Variants in EYS observed in about 807,000 individuals in gnomAD.
EYS encodes protein eyes shut homolog.
A neutral mutation model predicts 282.1 loss-of-function variants in EYS; 250 were observed. That is an observed-to-expected ratio of 0.89 (90% CI 0.80 to 0.98). The LOEUF is 0.98. Ranked by LOEUF, EYS falls within the 50% of genes least tolerant of loss-of-function variation. EYS has a pLI of 0.00. For missense variants in EYS, 4,016 were observed against 3,709.0 expected (o/e 1.08, Z -2.15); for synonymous variants, 1,355 against 1,282.9 (o/e 1.06, Z -1.20).
intron 13 of EYS, among the ~76,000 whole-genome samples, chr6:65,049,850 G>T (rs1448941417): frequency 6.6e-6 from 1 of 151,620 alleles, no homozygotes; most frequent in Non-Finnish European, 1.5e-5. Flanking sequence ...TCCTATTGTT[G>T]CACATAATAG....
intron 12 of EYS, among the ~76,000 whole-genome samples, chr6:65,187,278 C>T (rs1765537508): frequency 6.6e-6 from 1 of 151,568 alleles, no homozygotes; most frequent in African/African-American, 2.4e-5. Flanking sequence ...AAAAAGCCAT[C>T]AGAAATAGAT....
intron 1 of EYS, among the ~76,000 whole-genome samples, chr6:65,669,615 G>C (rs946546831): frequency 3.9e-5 from 6 of 152,028 alleles, no homozygotes; most frequent in South Asian, 4.1e-4. Context: ...TGATTTGCAG[G>C]CCAGAAATGT....
intron 1 of EYS, among the ~76,000 whole-genome samples, chr6:65,652,754 G>T (rs1454811677): frequency 6.6e-6 from 1 of 151,902 alleles, no homozygotes; most frequent in Non-Finnish European, 1.5e-5. Context: ...GATCTTTAAG[G>T]CAGGAAGGGT....
intron 33 of EYS, among the ~76,000 whole-genome samples, chr6:64,031,179 G>A (rs971676318): frequency 7.2e-5 from 11 of 152,170 alleles, no homozygotes; most frequent in Non-Finnish European, 1.3e-4. Context: ...GGCGGGAACC[G>A]GGGCTGCACA....
chr6:65,536,702 A>T (rs1334825062), intron 2 of EYS, among the ~76,000 whole-genome samples: 2 of 152,268 alleles, frequency 1.3e-5, no homozygotes, highest in East Asian at 3.9e-4. Context: ...ATCAAACAAA[A>T]ATTAGATAAG....
At chr6:65,255,822 T>C (rs1013652852) in intron 12 of EYS, among the ~76,000 whole-genome samples, 1 of 152,060 alleles carries the variant, frequency 6.6e-6, no homozygotes, top group East Asian at 1.9e-4. Flanking sequence ...CAGTTAAAAT[T>C]GCTTTTATCC....
At chr6:63,789,021 C>G (rs1378856117) in intron 38 of EYS, 37 bp downstream of exon 38, 4 of 1,544,034 alleles carry the variant, frequency 2.6e-6, no homozygotes, top group Non-Finnish European at 3.5e-6. Flanking sequence ...TACTAGTGCT[C>G]TCAGTTTGTG....
chr6:64,857,065 T>C (rs931759696), intron 19 of EYS, among the ~76,000 whole-genome samples: 5 of 152,214 alleles, frequency 3.3e-5, no homozygotes, highest in African/African-American at 9.6e-5. Flanking sequence ...CTTTGCTCTT[T>C]GTAAATGATC....
At chr6:65,640,506 C>T (rs754756390) in intron 1 of EYS, among the ~76,000 whole-genome samples, 1 of 152,064 alleles carries the variant, frequency 6.6e-6, no homozygotes, top group Non-Finnish European at 1.5e-5. Context: ...AAAGCAAAAT[C>T]AGCTACTCCT....
At chr6:65,079,988 A>C (rs1774183197) in intron 12 of EYS, among the ~76,000 whole-genome samples, 1 of 152,134 alleles carries the variant, frequency 6.6e-6, no homozygotes. Context: ...TACTATCATT[A>C]ATTAACCCAG....
intron 21 of EYS, among the ~76,000 whole-genome samples, chr6:64,816,415 T>C (rs2150018356): frequency 6.6e-6 from 1 of 152,214 alleles, no homozygotes; most frequent in East Asian, 1.9e-4. Context: ...TCTGTAGCAT[T>C]GTAAGTGATG....
intron 12 of EYS, among the ~76,000 whole-genome samples, chr6:65,176,995 G>A (rs569615091): frequency 6.6e-6 from 1 of 151,568 alleles, no homozygotes; most frequent in South Asian, 2.1e-4. Flanking sequence ...TTTTAACTTA[G>A]CACTATGATA....
intron 12 of EYS, among the ~76,000 whole-genome samples, chr6:65,204,352 A>C (rs541521318): frequency 6.6e-6 from 1 of 151,850 alleles, no homozygotes; most frequent in Non-Finnish European, 1.5e-5. Flanking sequence ...CCATCAGACT[A>C]CAGCAGACTT....
At chr6:65,606,245 C>T (rs1765787922) in intron 2 of EYS, among the ~76,000 whole-genome samples, 1 of 151,596 alleles carries the variant, frequency 6.6e-6, no homozygotes, top group African/African-American at 2.4e-5. Flanking sequence ...TCTAAATGTA[C>T]ATTAATATTC....
chr6:64,163,183 CAG>C (rs1230792170), intron 31 of EYS, among the ~76,000 whole-genome samples: 4 of 152,012 alleles, frequency 2.6e-5, no homozygotes, highest in Admixed American at 2.6e-4. Context: ...AGTTTTCTAG[CAG>C]AGAGAAAAAA....
At chr6:64,840,788 C>G (rs1765540584) in intron 19 of EYS, among the ~76,000 whole-genome samples, 1 of 152,004 alleles carries the variant, frequency 6.6e-6, no homozygotes, top group South Asian at 2.1e-4. Flanking sequence ...TGATCTTTAT[C>G]ACTAGAATGT....
intron 14 of EYS, among the ~76,000 whole-genome samples, chr6:64,986,760 ATTGATG>A (rs1770873196): frequency 2.8e-5 from 2 of 72,480 alleles, no homozygotes; most frequent in Non-Finnish European, 8.9e-5. Context: ...TTTAGTTAAA[ATTGATG>A]TATTTTAGAA....
intron 26 of EYS, among the ~76,000 whole-genome samples, chr6:64,496,478 G>T (rs1776892859): frequency 6.6e-6 from 1 of 151,918 alleles, no homozygotes; most frequent in Non-Finnish European, 1.5e-5. Context: ...CTGATAAGAA[G>T]AATGTCTCTG....
intron 36 of EYS, among the ~76,000 whole-genome samples, chr6:63,860,313 G>C (rs1772502050): frequency 6.6e-6 from 1 of 152,150 alleles, no homozygotes; most frequent in African/African-American, 2.4e-5. Context: ...ATATGTGATG[G>C]AATATTGATA....
Sources: gnomAD v4.1 joint callset for allele counts (sites outside exome capture counted in the v4.1 genomes callset) on GRCh38, gnomAD v4.1.1 for gene constraint, MANE v1.5 for transcripts, NCBI Gene and HGNC (gene_info 2026-07-23, HGNC 2026-07-21) for gene names.